The following CASTOR2 variants were observed in gnomAD, a reference collection of about 807,000 sequenced individuals.
The protein encoded by CASTOR2 is cytosolic arginine sensor for mTORC1 subunit 2.
CASTOR2 carries 8 observed loss-of-function variants against 31.2 expected under a neutral mutation model. That is an observed-to-expected ratio of 0.26 (90% CI 0.15 to 0.46). CASTOR2 has a LOEUF of 0.46. Ranked by LOEUF, CASTOR2 falls within the 20% of genes least tolerant of loss-of-function variation. The pLI is 0.99. For missense variants in CASTOR2, 216 were observed against 382.1 expected (o/e 0.57, Z 3.62); for synonymous variants, 162 against 158.7 (o/e 1.02, Z -0.16).
chr7:75,028,070 G>A lies in CASTOR2; in HGVS notation c.*3371G>A. 1 of 1,533,620 alleles carries A rather than the reference G, an allele frequency of 6.5e-7. No individual in the cohort carries two copies. Among genetic ancestry groups the A allele is most frequent in the Non-Finnish European group, 8.7e-7 (1 of 1,146,436 alleles). ...CCTGTTGTCTTGGCGCTGGCGGATG[G>A]GGCAGGTGCCTGGCGGGGGAGGAAG... On this transcript the variant is annotated 3_prime_UTR_variant, in exon 9 of 9. Transcript: ENST00000616305.
chr7:74,972,518 A>G (rs1413586613), intron 1 of CASTOR2, among the ~76,000 whole-genome samples: 1 of 150,622 alleles, frequency 6.6e-6, no homozygotes, highest in Non-Finnish European at 1.5e-5. Context: ...GCAAGTATGC[A>G]GTAAGCATGG....
intron 2 of CASTOR2, among the ~76,000 whole-genome samples, chr7:75,016,252 G>A (rs1804860933): frequency 3.9e-5 from 6 of 152,210 alleles, no homozygotes. Flanking sequence ...GTGTGTGCCT[G>A]TGTCCCACAT....
At chr7:75,017,903 G>A (rs1804903114) in intron 3 of CASTOR2, 87 bp from the exon 4 acceptor site, 1 of 1,613,448 alleles carries the variant, frequency 6.2e-7, no homozygotes, top group East Asian at 2.2e-5. Flanking sequence ...CAGGGTGGGG[G>A]CAGAGTCTCA....
chr7:74,993,391 C>T (rs1487268108), intron 1 of CASTOR2, among the ~76,000 whole-genome samples: 1 of 150,288 alleles, frequency 6.7e-6, no homozygotes, highest in South Asian at 2.1e-4. Flanking sequence ...TGATTCTGGG[C>T]TTCTCCGTGC....
chr7:75,021,969 G>C lies in CASTOR2; in HGVS notation c.829+13G>C. The C allele has an allele frequency of 6.4e-7, 1 of 1,551,648 alleles. No homozygotes were observed. The highest frequency in any genetic ancestry group is 8.7e-7 in the Non-Finnish European group (1 of 1,146,860). On this transcript the variant is annotated intron_variant, in intron 7 of 8. Coordinates refer to ENST00000616305, the MANE Select transcript of CASTOR2 (RefSeq NM_001145064.3). ...CCCCTGGGGTTTGGTGAGTCCTGGG[G>C]GGATTACATGGGGAATTGAGGGAGC... is the stretch of plus-strand genomic sequence containing the variant.
chr7:74,996,408 T>G (rs1389196520), intron 1 of CASTOR2, among the ~76,000 whole-genome samples: 1 of 152,116 alleles, frequency 6.6e-6, no homozygotes, highest in Non-Finnish European at 1.5e-5. Flanking sequence ...CAAAGTCCTT[T>G]AATAGCAAGG....
At position 75,026,810 on chromosome 7, in the gene CASTOR2, T is replaced by A. The variant is rs1805147551; in HGVS notation, c.*2111T>A. On this transcript the variant is annotated 3_prime_UTR_variant, in exon 9 of 9. Coordinates refer to ENST00000616305, the MANE Select transcript of CASTOR2 (RefSeq NM_001145064.3). ...TGACCTTGCAAGGCCTTGATTTTCC[T>A]TTCTGTCATTTCCCCCTGACGGTGT... 6.6e-6 allele frequency among the ~76,000 whole-genome samples: 1 copy of A among 152,152 alleles called. No individual in the cohort carries two copies.
At chr7:74,991,641 G>C (rs1804214075) in intron 1 of CASTOR2, among the ~76,000 whole-genome samples, 1 of 152,148 alleles carries the variant, frequency 6.6e-6, no homozygotes, top group Non-Finnish European at 1.5e-5. Flanking sequence ...AGTAGGCACT[G>C]ACGGTTGGAG....
Position 75,026,199 on chromosome 7 carries a change from T to C in CASTOR2, c.*1500T>C, listed in dbSNP as rs1323724254. ...TTGGCTCTGGCGGGGGTTTTTTTTT[T>C]TTTTTTTGAGATGGGAGTCTGGCTC... On this transcript the variant is annotated 3_prime_UTR_variant, in exon 9 of 9. Transcript: ENST00000616305. Among the ~76,000 whole-genome samples the C allele has an allele frequency of 2.0e-5, 3 of 146,890 alleles. No individual in the cohort carries two copies. The highest frequency in any genetic ancestry group is 7.5e-5 in the African/African-American group (3 of 39,850).
chr7:74,992,048 G>A (rs1233889948), intron 1 of CASTOR2, among the ~76,000 whole-genome samples: 1 of 152,074 alleles, frequency 6.6e-6, no homozygotes, highest in Admixed American at 6.6e-5. Context: ...AGGTCCCCAA[G>A]GGGTCAATCG....
Position 75,024,722 on chromosome 7 carries a change from T to C in CASTOR2, c.*23T>C. The C allele has an allele frequency of 6.4e-7, 1 of 1,551,572 alleles. No homozygotes were observed. The highest frequency in any genetic ancestry group is 1.2e-5 in the South Asian group (1 of 84,060). On this transcript the variant is annotated 3_prime_UTR_variant, in exon 9 of 9. Coordinates refer to ENST00000616305, the MANE Select transcript of CASTOR2 (RefSeq NM_001145064.3). The stretch of plus-strand genomic sequence containing the variant: ...TAGAAGGGTCTCTTCTGCTCCTCCC[T>C]GCCGCCGCCCGGGCCCAGCCCTAAC...
chr7:75,021,388 A>G (rs1804997526), intron 6 of CASTOR2, among the ~76,000 whole-genome samples: 1 of 152,068 alleles, frequency 6.6e-6, no homozygotes, highest in Non-Finnish European at 1.5e-5. Flanking sequence ...CGGCCTCCCA[A>G]AGTGCTGGGA....
rs1333490239 is a variant in CASTOR2, at chr7:75,030,341, CTTG to C, written c.*5647_*5649del. Among the ~76,000 whole-genome samples the C allele has an allele frequency of 2.0e-5, 3 of 152,304 alleles. No individual in the cohort carries two copies. The highest frequency in any genetic ancestry group is 1.9e-4 in the East Asian group (1 of 5,178). On this transcript the variant is annotated 3_prime_UTR_variant, in exon 9 of 9. Transcript: ENST00000616305. The stretch of plus-strand genomic sequence containing the variant: ...AGTATTTTGAGTTCTCAGTAGCAGT[CTTG>C]TTGTCAGGCCTTGAGTGCAGAAATG...
chr7:75,005,384 C>T (rs1186269473), intron 1 of CASTOR2, among the ~76,000 whole-genome samples: 1 of 152,166 alleles, frequency 6.6e-6, no homozygotes, highest in Non-Finnish European at 1.5e-5. Flanking sequence ...TAGCAAAATG[C>T]ACTTTAGATC....
At chr7:75,020,888 C>T (rs1804983147) in intron 6 of CASTOR2, among the ~76,000 whole-genome samples, 1 of 152,124 alleles carries the variant, frequency 6.6e-6, no homozygotes, top group African/African-American at 2.4e-5. Context: ...CCTCTGCCTC[C>T]CAGGTTCAAG....
chr7:74,989,137 A>G (rs1469407857), intron 1 of CASTOR2, among the ~76,000 whole-genome samples: 1 of 147,346 alleles, frequency 6.8e-6, no homozygotes, highest in Non-Finnish European at 1.5e-5. Context: ...ATTTTTTTGT[A>G]TTTTTACAAA....
In CASTOR2 at chr7:75,030,098, G is replaced by A. The variant is rs1805258662; in HGVS notation, c.*5399G>A. ...AGCCATGGCATCCAGGGACAGCCTG[G>A]TGGCCGAGAGAGCTTGTGGCTGTCA... is the stretch of plus-strand genomic sequence containing the variant. On this transcript the variant is annotated 3_prime_UTR_variant, in exon 9 of 9. Transcript: ENST00000616305. Among the ~76,000 whole-genome samples the A allele has an allele frequency of 6.6e-6, 1 of 152,270 alleles. No individual in the cohort carries two copies. Among genetic ancestry groups the A allele is most frequent in the African/African-American group, 2.4e-5 (1 of 41,478 alleles).
chr7:75,004,720 T>TA (rs1265277039), intron 1 of CASTOR2, among the ~76,000 whole-genome samples: 2 of 152,084 alleles, frequency 1.3e-5, no homozygotes, highest in African/African-American at 4.8e-5. Flanking sequence ...ATGCTGGGAT[T>TA]ACAGGCATGA....
intron 1 of CASTOR2, among the ~76,000 whole-genome samples, chr7:74,979,317 A>G (rs1209389340): frequency 6.8e-6 from 1 of 146,838 alleles, no homozygotes; most frequent in Admixed American, 6.9e-5. Flanking sequence ...ATTGTACCCG[A>G]TAAGTAATTT....
Sources: gnomAD v4.1 joint callset for allele counts (sites outside exome capture counted in the v4.1 genomes callset) on GRCh38, gnomAD v4.1.1 for gene constraint, MANE v1.5 for transcripts, NCBI Gene and HGNC (gene_info 2026-07-23, HGNC 2026-07-21) for gene names.